The following MARCHF11 variants were observed in gnomAD, a reference collection of about 807,000 sequenced individuals.
The protein encoded by MARCHF11 is membrane associated ring-CH-type finger 11.
MARCHF11 carries 29 observed loss-of-function variants against 37.3 expected under a neutral mutation model. That is an observed-to-expected ratio of 0.78 (90% CI 0.58 to 1.06). The LOEUF (loss-of-function observed/expected upper bound fraction) is 1.06. MARCHF11 is among the 50% of genes least tolerant of loss of function. MARCHF11 has a pLI of 0.00. For synonymous variants in MARCHF11, 233 were observed against 228.0 expected (o/e 1.02, Z -0.20); for missense variants, 482 against 533.4 (o/e 0.90, Z 0.95).
At chr5:16,102,647 G>C (rs1266794562) in intron 2 of MARCHF11, among the ~76,000 whole-genome samples, 2 of 152,150 alleles carry the variant, frequency 1.3e-5, no homozygotes, top group Admixed American at 6.5e-5. Flanking sequence ...ATCCCACTGA[G>C]AGCCACTTCC....
chr5:16,177,692 T>C (rs1738385098), intron 2 of MARCHF11, 34 bp downstream of exon 2: 4 of 1,566,108 alleles, frequency 2.6e-6, no homozygotes, highest in Non-Finnish European at 3.5e-6. Flanking sequence ...TTAACAAAAT[T>C]ATTTCAGGAA....
intron 2 of MARCHF11, among the ~76,000 whole-genome samples, chr5:16,142,303 A>G (rs1331050586): frequency 2.6e-5 from 4 of 152,198 alleles, no homozygotes; most frequent in African/African-American, 9.7e-5. Flanking sequence ...TTTCTCTTCC[A>G]CCTAGGACCT....
chr5:16,167,062 G>C (rs1329604303), intron 2 of MARCHF11, among the ~76,000 whole-genome samples: 1 of 147,790 alleles, frequency 6.8e-6, no homozygotes, highest in African/African-American at 2.6e-5. Flanking sequence ...ATTGTAAGCT[G>C]AGGAGCATAC....
chr5:16,169,327 T>A (rs1453983062), intron 2 of MARCHF11, among the ~76,000 whole-genome samples: 1 of 110,336 alleles, frequency 9.1e-6, no homozygotes, highest in African/African-American at 2.7e-5. Flanking sequence ...CAAATCAGTA[T>A]ACCGAAAAGA....
In MARCHF11 at chr5:16,090,981, G is replaced by T; in HGVS notation, c.794C>A (p.Ser265Ter). 6.2e-7 allele frequency: 1 copy of T among 1,612,528 alleles called. No individual in the cohort carries two copies. The highest frequency in any genetic ancestry group is 8.5e-7 in the Non-Finnish European group (1 of 1,179,560). ...CCACACTGCATAGGGGCTGAAGGCT[G>T]ACCAGAGGAGCCAAGTCACACTGGC... ...LIASVTWLLW[S>*]AFSPYAVWQR... The change falls in exon 3 of 4, where the codon TCA becomes TAA. Residue 265 changes from serine (S) to a stop codon, truncating the protein, a stop_gained. Transcript: ENST00000332432. LOFTEE classifies it high-confidence loss of function.
chr5:16,158,225 G>A (rs989846960), intron 2 of MARCHF11, among the ~76,000 whole-genome samples: 36 of 151,892 alleles, frequency 2.4e-4, no homozygotes, highest in African/African-American at 7.7e-4. Flanking sequence ...ACTGTTAGTG[G>A]GAGTGTAAAT....
chr5:16,160,466 G>T (rs1475863151), intron 2 of MARCHF11, among the ~76,000 whole-genome samples: 1 of 147,402 alleles, frequency 6.8e-6, no homozygotes, highest in Non-Finnish European at 1.5e-5. Flanking sequence ...AGAGATGTTT[G>T]CCACTAGATG....
chr5:16,097,916 G>A (rs1736897903), intron 2 of MARCHF11, among the ~76,000 whole-genome samples: 2 of 152,110 alleles, frequency 1.3e-5, no homozygotes, highest in South Asian at 4.1e-4. Flanking sequence ...TATTCTTTAT[G>A]AGCACGGATG....
chr5:16,084,288 A>G (rs1736657046), intron 3 of MARCHF11, among the ~76,000 whole-genome samples: 1 of 152,262 alleles, frequency 6.6e-6, no homozygotes, highest in Non-Finnish European at 1.5e-5. Flanking sequence ...AAGTAGCTCT[A>G]GCTAGATATA....
intron 2 of MARCHF11, among the ~76,000 whole-genome samples, chr5:16,174,637 G>C (rs1272751212): frequency 6.6e-6 from 1 of 152,212 alleles, no homozygotes; most frequent in Non-Finnish European, 1.5e-5. Flanking sequence ...TTGTGAAAGT[G>C]CTTGAGGATA....
chr5:16,109,902 G>A (rs1447380668), intron 2 of MARCHF11, among the ~76,000 whole-genome samples: 3 of 152,188 alleles, frequency 2.0e-5, no homozygotes, highest in Non-Finnish European at 4.4e-5. Flanking sequence ...GTATAGAGAA[G>A]AAACAGCACT....
intron 3 of MARCHF11, among the ~76,000 whole-genome samples, chr5:16,079,922 G>A (rs1306135050): frequency 1.3e-5 from 2 of 152,080 alleles, no homozygotes; most frequent in African/African-American, 4.8e-5. Flanking sequence ...CGTCTCTTCA[G>A]TCCCAGGGAC....
At chr5:16,107,583 A>G (rs1737064724) in intron 2 of MARCHF11, among the ~76,000 whole-genome samples, 1 of 152,146 alleles carries the variant, frequency 6.6e-6, no homozygotes, top group South Asian at 2.1e-4. Context: ...TGGGTAGAAG[A>G]GGGCGGTTCC....
intron 2 of MARCHF11, among the ~76,000 whole-genome samples, chr5:16,153,747 G>C (rs1388416990): frequency 6.6e-6 from 1 of 151,864 alleles, no homozygotes; most frequent in Non-Finnish European, 1.5e-5. Flanking sequence ...CAGTTCACAG[G>C]CTAACTAGAA....
Position 16,177,813 on chromosome 5 carries a change from T to C in MARCHF11, c.606A>G (p.Lys202=), listed in dbSNP as rs748532919. 6.2e-7 allele frequency: 1 copy of C among 1,613,696 alleles called. No individual in the cohort carries two copies. The highest frequency in any genetic ancestry group is 8.5e-7 in the Non-Finnish European group (1 of 1,179,770). ...VRYTHQLCLL[K]WISERGSWTC... ...TCCAGGAACCTCTCTCACTGATCCA[T>C]TTTAGCAGGCACAGCTGATGTGTAT... is the stretch of plus-strand genomic sequence containing the variant. The change falls in exon 2 of 4, where the codon AAA becomes AAG. Residue 202 remains lysine, a synonymous_variant. Coordinates refer to ENST00000332432, the MANE Select transcript of MARCHF11 (RefSeq NM_001102562.3).
At chr5:16,097,048 C>T (rs935926256) in intron 2 of MARCHF11, among the ~76,000 whole-genome samples, 1 of 152,182 alleles carries the variant, frequency 6.6e-6, no homozygotes, top group African/African-American at 2.4e-5. Flanking sequence ...ATGATTTATA[C>T]TGTGCGCTAT....
chr5:16,132,027 G>A (rs570851880), intron 2 of MARCHF11, among the ~76,000 whole-genome samples: 10 of 152,326 alleles, frequency 6.6e-5, no homozygotes, highest in East Asian at 1.9e-4. Context: ...GACTGGCTAC[G>A]GGGGATTCAT....
At chr5:16,121,815 A>G (rs957772222) in intron 2 of MARCHF11, among the ~76,000 whole-genome samples, 6 of 152,174 alleles carry the variant, frequency 3.9e-5, no homozygotes, top group Non-Finnish European at 8.8e-5. Context: ...GGCAGACTGT[A>G]TCTTCACCAC....
At chr5:16,173,348 A>AG (rs1032678139) in intron 2 of MARCHF11, among the ~76,000 whole-genome samples, 6 of 152,146 alleles carry the variant, frequency 3.9e-5, no homozygotes, top group Non-Finnish European at 8.8e-5. Flanking sequence ...CCCACCTGAC[A>AG]GGGGCTGTTC....
Sources: allele counts gnomAD v4.1 joint callset (sites outside exome capture counted in the v4.1 genomes callset), GRCh38; gene constraint gnomAD v4.1.1; transcripts MANE v1.5; gene names NCBI Gene and HGNC (gene_info 2026-07-23, HGNC 2026-07-21).